SMAP2: variants seen among roughly 807,000 people sequenced by gnomAD.
SMAP2 encodes small ArfGAP2.
In SMAP2, 25 loss-of-function variants were observed where a neutral mutation model predicts 56.4. That is an observed-to-expected ratio of 0.44 (90% confidence interval 0.32 to 0.62). SMAP2 has a LOEUF of 0.62. SMAP2 is among the 20% of genes least tolerant of loss of function. SMAP2 has a pLI of 0.04. For synonymous variants in SMAP2, 157 were observed against 181.7 expected (o/e 0.86, Z 1.09); for missense variants, 388 against 545.6 (o/e 0.71, Z 2.88).
At chr1:40,380,947 T>G (rs1644592041) in intron 1 of SMAP2, among the ~76,000 whole-genome samples, 1 of 152,240 alleles carries the variant, frequency 6.6e-6, no homozygotes, top group Non-Finnish European at 1.5e-5. Flanking sequence ...TTCTGGTTTT[T>G]TATAGCTAGT....
intron 1 of SMAP2, among the ~76,000 whole-genome samples, chr1:40,354,255 A>T (rs1285233388): frequency 6.6e-6 from 1 of 152,172 alleles, no homozygotes; most frequent in African/African-American, 2.4e-5. Context: ...TGGAATAAAG[A>T]CTGCCTCAAC....
chr1:40,400,496 A>G (rs1644821698), intron 1 of SMAP2, among the ~76,000 whole-genome samples: 1 of 152,124 alleles, frequency 6.6e-6, no homozygotes, highest in Non-Finnish European at 1.5e-5. Context: ...TGGTGGCTTT[A>G]GATTACAGAA....
intron 5 of SMAP2, 98 bp from the exon 6 acceptor site, chr1:40,414,061 C>T: frequency 1.0e-6 from 1 of 991,936 alleles, no homozygotes; most frequent in Non-Finnish European, 1.5e-6. Flanking sequence ...TGAATAACAG[C>T]AGCCCTACCC....
intron 1 of SMAP2, among the ~76,000 whole-genome samples, chr1:40,390,948 GC>G (rs955058493): frequency 6.6e-5 from 10 of 152,038 alleles, no homozygotes; most frequent in African/African-American, 2.4e-4. Flanking sequence ...AAACTAAATG[GC>G]TTAAAAATGG....
At chr1:40,399,685 G>A (rs1001670817) in intron 1 of SMAP2, among the ~76,000 whole-genome samples, 4 of 132,088 alleles carry the variant, frequency 3.0e-5, no homozygotes, top group Non-Finnish European at 6.3e-5. Flanking sequence ...CTGGGTGAGA[G>A]AGTAAGACCC....
chr1:40,417,051 G>A lies in SMAP2; in HGVS notation c.1119G>A (p.Val373=), dbSNP rs1402543640. ...MAGMAAMPQT[V]YGVQPAQQLQ... Reference sequence around the variant, plus strand: ...GCATGGCAGCTATGCCCCAGACTGTGTATGGGGTCCAGCCAGCTCAGCAGC... The same window carrying A: ...GCATGGCAGCTATGCCCCAGACTGTATATGGGGTCCAGCCAGCTCAGCAGC... The change falls in exon 9 of 10, where the codon GTG becomes GTA. Residue 373 remains valine, a synonymous_variant. Transcript: ENST00000372718. The A allele has an allele frequency of 5.6e-6, 9 of 1,612,362 alleles. No individual in the cohort carries two copies. The highest frequency in any genetic ancestry group is 6.8e-6 in the Non-Finnish European group (8 of 1,178,586).
intron 1 of SMAP2, among the ~76,000 whole-genome samples, chr1:40,360,585 G>T (rs1217235725): frequency 1.3e-5 from 2 of 152,214 alleles, no homozygotes; most frequent in Non-Finnish European, 2.9e-5. Flanking sequence ...TTACAGGCAT[G>T]AGCCACTGTG....
intron 9 of SMAP2, among the ~76,000 whole-genome samples, chr1:40,418,093 A>G (rs891787486): frequency 1.3e-5 from 2 of 152,230 alleles, no homozygotes; most frequent in South Asian, 2.1e-4. Flanking sequence ...CAATCTACCA[A>G]TCTGAATTAA....
At chr1:40,371,809 A>G (rs11207964), upstream of SMAP2, among the ~76,000 whole-genome samples, 4,837 of 152,318 alleles carry the variant, frequency 0.032, 223 homozygotes, top group African/African-American at 0.1. Flanking sequence ...TTCTAATTAT[A>G]TTACAGGCAT....
intron 1 of SMAP2, among the ~76,000 whole-genome samples, chr1:40,401,131 C>T (rs1317362895): frequency 6.6e-6 from 1 of 152,114 alleles, no homozygotes; most frequent in East Asian, 1.9e-4. Context: ...GGCGTGATCG[C>T]GGGCGCCTGT....
At chr1:40,372,100 G>T (rs1287231542), upstream of SMAP2, among the ~76,000 whole-genome samples, 1 of 152,198 alleles carries the variant, frequency 6.6e-6, no homozygotes, top group Admixed American at 6.5e-5. Flanking sequence ...TTTTAAGCAG[G>T]AAGTGTGAGT....
chr1:40,365,792 C>T (rs7514345), intron 2 of SMAP2, among the ~76,000 whole-genome samples: 80,781 of 151,480 alleles, frequency 0.53, 22,563 homozygotes, highest in African/African-American at 0.68. Context: ...AAAATCAGAG[C>T]GCCTCTCCTC....
At chr1:40,376,707 G>A (rs1433131606) in intron 1 of SMAP2, among the ~76,000 whole-genome samples, 2 of 152,118 alleles carry the variant, frequency 1.3e-5, no homozygotes, top group African/African-American at 4.8e-5. Flanking sequence ...TTTCATTGGA[G>A]GAGGAATTTA....
Position 40,406,673 on chromosome 1 carries a change from A to G in SMAP2, c.104-63A>G, listed in dbSNP as rs778529129. ...TAGCAGAAATGTCTGATAATCTAAT[A>G]TTGTAGTTTAGGCCTTGAATGTTGT... On this transcript the variant is annotated intron_variant, in intron 1 of 9. Coordinates refer to ENST00000372718, the MANE Select transcript of SMAP2 (RefSeq NM_022733.3). 652 of 1,520,218 alleles carry G rather than the reference A, an allele frequency of 4.3e-4. 1 individual carries two copies. Among genetic ancestry groups the G allele is most frequent in the Non-Finnish European group, 5.5e-4 (618 of 1,116,092 alleles). The allele number at this position is 1,520,218 out of a possible 1,614,324, so 94.2% of individuals were successfully genotyped here. A position where few individuals can be genotyped will look rare whatever the true frequency, so the allele number is the denominator to read the frequency against.
Position 40,386,376 on chromosome 1 carries a change from G to C in SMAP2, c.103+12153G>C, listed in dbSNP as rs910822951. Among the ~76,000 whole-genome samples the C allele has an allele frequency of 2.0e-5, 3 of 152,176 alleles. No individual in the cohort carries two copies. Among genetic ancestry groups the C allele is most frequent in the African/African-American group, 7.2e-5 (3 of 41,428 alleles). On this transcript the variant is annotated intron_variant, in intron 1 of 9. Coordinates refer to ENST00000372718, the MANE Select transcript of SMAP2 (RefSeq NM_022733.3). This position sits in a 1 kb window ranked among gnomAD's most constrained non-coding sequence, Gnocchi z 4.1. ...ACCGTTACAGATGGAGGAGAAACTTGAGGAAAGGTCTTTCCTGTAGTGTGA... is the reference window on the plus strand; with the variant it reads ...ACCGTTACAGATGGAGGAGAAACTTCAGGAAAGGTCTTTCCTGTAGTGTGA...
intron 1 of SMAP2, among the ~76,000 whole-genome samples, chr1:40,377,310 A>G (rs1285083338): frequency 3.3e-5 from 5 of 152,194 alleles, no homozygotes; most frequent in Non-Finnish European, 2.9e-5. Context: ...ACAAAACACA[A>G]CAAATAAACA....
chr1:40,377,555 C>G (rs1557828941), intron 1 of SMAP2, among the ~76,000 whole-genome samples: 1 of 152,102 alleles, frequency 6.6e-6, no homozygotes, highest in Non-Finnish European at 1.5e-5. Context: ...GTTAATGTGA[C>G]TTTTAGGGTG....
Position 40,422,166 on chromosome 1 carries a change from C to A in SMAP2, c.*65C>A. On this transcript the variant is annotated 3_prime_UTR_variant, in exon 10 of 10. Coordinates refer to ENST00000372718, the MANE Select transcript of SMAP2 (RefSeq NM_022733.3). ...CGCTCTCCCCTTTCCACAGCCTCCA[C>A]CCCTGACCCCCATCCTCTTTTCCTA... The A allele has an allele frequency of 1.3e-6, 2 of 1,589,784 alleles. No homozygotes were observed. Among genetic ancestry groups the A allele is most frequent in the Non-Finnish European group, 1.7e-6 (2 of 1,167,892 alleles).
chr1:40,379,206 G>A (rs1436846269), intron 1 of SMAP2, among the ~76,000 whole-genome samples: 2 of 151,672 alleles, frequency 1.3e-5, no homozygotes, highest in African/African-American at 4.8e-5. Context: ...TCCTGGCCTC[G>A]GGTGATCCAC....
Sources: gnomAD v4.1 joint callset for allele counts (sites outside exome capture counted in the v4.1 genomes callset) on GRCh38, gnomAD v4.1.1 for gene constraint, Gnocchi (gnomAD v3.1) non-coding constraint, MANE v1.5 for transcripts, NCBI Gene and HGNC (gene_info 2026-07-23, HGNC 2026-07-21) for gene names.